Variants in CPE observed in about 807,000 individuals in gnomAD.
The protein encoded by CPE is carboxypeptidase E.
CPE carries 17 observed loss-of-function variants against 53.5 expected under a neutral mutation model. The observed-to-expected ratio is 0.32, with a 90% CI of 0.22 to 0.48. The LOEUF is 0.48. CPE is among the 20% of genes least tolerant of loss of function. The probability of loss-of-function intolerance (pLI) is 0.99; values close to 1 mark genes in which losing one functional copy is unlikely to be tolerated. For missense variants in CPE, 524 were observed against 614.7 expected, an observed-to-expected ratio of 0.85 and a Z score of 1.56; for synonymous variants, 226 against 228.8, an observed-to-expected ratio of 0.99 and a Z score of 0.11.
At chr4:165,472,374 T>A (rs890905605) in intron 3 of CPE, among the ~76,000 whole-genome samples, 10 of 152,174 alleles carry the variant, frequency 6.6e-5, no homozygotes, top group African/African-American at 2.4e-4. Flanking sequence ...CAATTGTGAA[T>A]GAGAAAAAGT....
At chr4:165,404,131 T>C in intron 1 of CPE, 1 of 790,384 alleles carries the variant, frequency 1.3e-6, no homozygotes, top group Non-Finnish European at 2.3e-6. Flanking sequence ...GGGTGAACTC[T>C]TTTCCATAGG....
At chr4:165,449,289 G>A (rs1392224786) in intron 1 of CPE, among the ~76,000 whole-genome samples, 1 of 152,174 alleles carries the variant, frequency 6.6e-6, no homozygotes, top group South Asian at 2.1e-4. Flanking sequence ...ATCAGGTCGA[G>A]GTTAATAACC....
rs1013539796 is a variant in CPE, at chr4:165,472,835, T to C, written c.672+4980T>C. Among the ~76,000 whole-genome samples the C allele has an allele frequency of 4.6e-5, 7 of 152,354 alleles. 1 individual carries two copies. The South Asian group carries it at 1.2e-3, about 27-fold the overall frequency. ...CACATTCTACTTTCCTTACATGCCT[T>C]GCATATAAAAGTTTTCCAGTAGTCT... On this transcript the variant is annotated intron_variant, in intron 3 of 8. Coordinates refer to ENST00000402744, the MANE Select transcript of CPE (RefSeq NM_001873.4).
At chr4:165,462,957 T>A (rs1377968145) in intron 1 of CPE, among the ~76,000 whole-genome samples, 1 of 152,208 alleles carries the variant, frequency 6.6e-6, no homozygotes, top group East Asian at 1.9e-4. Flanking sequence ...TAATTTGCTT[T>A]CTTATACCAA....
intron 1 of CPE, among the ~76,000 whole-genome samples, chr4:165,461,362 C>A (rs1362427281): frequency 2.0e-5 from 3 of 151,868 alleles, no homozygotes; most frequent in African/African-American, 7.3e-5. Context: ...ATGGCTGAAA[C>A]ACAGGAGGGA....
At chr4:165,403,786 G>A (rs1364245292) in intron 1 of CPE, among the ~76,000 whole-genome samples, 1 of 151,784 alleles carries the variant, frequency 6.6e-6, no homozygotes, top group Non-Finnish European at 1.5e-5. Flanking sequence ...GCAAAGAGAT[G>A]GCTCCAGATG....
chr4:165,384,232 A>G (rs1730550080), intron 1 of CPE, among the ~76,000 whole-genome samples: 1 of 152,250 alleles, frequency 6.6e-6, no homozygotes, highest in South Asian at 2.1e-4. Flanking sequence ...TATGTAAACA[A>G]AGATAAACAG....
chr4:165,469,767 G>A (rs1732170047), intron 3 of CPE, among the ~76,000 whole-genome samples: 1 of 152,098 alleles, frequency 6.6e-6, no homozygotes. Flanking sequence ...ATTATGACAG[G>A]CAGTAGGCTG....
intron 1 of CPE, among the ~76,000 whole-genome samples, chr4:165,420,587 C>T (rs1297655749): frequency 6.6e-6 from 1 of 151,508 alleles, no homozygotes; most frequent in Non-Finnish European, 1.5e-5. Context: ...TCTGAGTGTA[C>T]TATATAAATT....
intron 1 of CPE, chr4:165,404,145 C>T (rs1730916207): frequency 2.6e-6 from 2 of 770,396 alleles, no homozygotes; most frequent in African/African-American, 1.7e-5. Flanking sequence ...CCATAGGCAG[C>T]CTCATACTTC....
chr4:165,407,373 C>T (rs1238016166), intron 1 of CPE, among the ~76,000 whole-genome samples: 3 of 151,208 alleles, frequency 2.0e-5, no homozygotes, highest in East Asian at 1.9e-4. Flanking sequence ...GCTTATTGAC[C>T]ATATGTATAT....
intron 6 of CPE, among the ~76,000 whole-genome samples, chr4:165,490,629 C>CAAAAA (rs36034365): frequency 1.6e-3 from 66 of 40,850 alleles, no homozygotes; most frequent in Non-Finnish European, 1.9e-3. Context: ...GACTCCGTCT[C>CAAAAA]AAAAAAAAAA....
intron 1 of CPE, among the ~76,000 whole-genome samples, chr4:165,402,387 G>T (rs147402087): frequency 6.6e-6 from 1 of 152,138 alleles, no homozygotes. Flanking sequence ...GATTCTGGCC[G>T]GTTACATGAC....
rs542605508 is a variant in CPE, at chr4:165,380,156, C to T, written c.307+628C>T. On this transcript the variant is annotated intron_variant, in intron 1 of 8. Transcript: ENST00000402744. ...TGCTTGGGGAATCTTAGGGATATTG[C>T]CAATCTGGGGTGGTGGTGTATAAAG... Among the ~76,000 whole-genome samples, 13 of 152,184 alleles carry T rather than the reference C, an allele frequency of 8.5e-5. No individual in the cohort carries two copies. The South Asian group carries it at 2.7e-3, about 32-fold the overall frequency.
rs145163960 is a variant in CPE at position 165,489,209 on chromosome 4, A to T, written c.1113+1632A>T. On this transcript the variant is annotated intron_variant, in intron 6 of 8. Coordinates refer to ENST00000402744, the MANE Select transcript of CPE (RefSeq NM_001873.4). The stretch of plus-strand genomic sequence containing the variant: ...TATGTTTTTGGATAGAGGAAGTAAG[A>T]TGGGACTGATTGGGGTGTTCTCCAC... Among the ~76,000 whole-genome samples, 718 of 152,276 alleles carry T rather than the reference A, an allele frequency of 4.7e-3. 13 individuals carry two copies. The highest frequency in any genetic ancestry group is 0.016 in the African/African-American group (656 of 41,552).
intron 1 of CPE, among the ~76,000 whole-genome samples, chr4:165,397,320 C>G (rs1435394125): frequency 6.6e-6 from 1 of 152,048 alleles, no homozygotes; most frequent in Non-Finnish European, 1.5e-5. Flanking sequence ...TATAATTATC[C>G]CCATTCTATA....
chr4:165,392,358 A>C (rs1443790615), intron 1 of CPE, among the ~76,000 whole-genome samples: 3 of 146,538 alleles, frequency 2.0e-5, no homozygotes, highest in Non-Finnish European at 3.0e-5. Context: ...TGTAATATAC[A>C]TATATCATAT....
At chr4:165,420,074 T>C (rs1179718523) in intron 1 of CPE, among the ~76,000 whole-genome samples, 2 of 152,164 alleles carry the variant, frequency 1.3e-5, no homozygotes, top group African/African-American at 2.4e-5. Flanking sequence ...CTTATATGTG[T>C]GACTGTCTTA....
At position 165,404,469 on chromosome 4, in the gene CPE, G is replaced by A. The variant is rs1365117455; in HGVS notation, c.307+24941G>A. 4.4e-5 allele frequency: 34 copies of A among 775,818 alleles called. 1 individual carries two copies. The highest frequency in any genetic ancestry group is 2.2e-4 in the South Asian group (16 of 74,108). The allele number at this position is 775,818 out of a possible 1,614,324, so 48.1% of individuals were successfully genotyped here. A position where few individuals can be genotyped will look rare whatever the true frequency, so the allele number is the denominator to read the frequency against. On this transcript the variant is annotated intron_variant, in intron 1 of 8. Coordinates refer to ENST00000402744, the MANE Select transcript of CPE (RefSeq NM_001873.4). Reference sequence around the variant, plus strand: ...ATGGAAAAGCCCTTCCCAGACTGGCGACCTAGGAAGCCCTTGGACACCATC... The same window carrying A: ...ATGGAAAAGCCCTTCCCAGACTGGCAACCTAGGAAGCCCTTGGACACCATC...
Sources: gnomAD v4.1 joint callset for allele counts (sites outside exome capture counted in the v4.1 genomes callset) on GRCh38, gnomAD v4.1.1 for gene constraint, MANE v1.5 for transcripts, NCBI Gene and HGNC (gene_info 2026-07-23, HGNC 2026-07-21) for gene names.